ANKS1B: variants seen among roughly 807,000 people sequenced by gnomAD.
The protein encoded by ANKS1B is ankyrin repeat and sterile alpha motif domain-containing protein 1B.
In ANKS1B, 36 loss-of-function variants were observed where a neutral mutation model predicts 148.3. The observed-to-expected ratio is 0.24, with a 90% CI of 0.19 to 0.32. ANKS1B has a LOEUF of 0.32. Ranked by LOEUF, ANKS1B falls within the 10% of genes least tolerant of loss-of-function variation. The pLI is 1.00. For missense variants in ANKS1B, 1,157 were observed against 1,542.6 expected (o/e 0.75, Z 4.19); for synonymous variants, 542 against 560.8 (o/e 0.97, Z 0.47).
At chr12:99,854,158 C>T (rs533990932) in intron 1 of ANKS1B, among the ~76,000 whole-genome samples, 1 of 152,198 alleles carries the variant, frequency 6.6e-6, no homozygotes, top group South Asian at 2.1e-4. Context: ...ACTACAGGTG[C>T]CCACCACCGC....
chr12:99,081,307 C>T (rs1000973569), intron 16 of ANKS1B, among the ~76,000 whole-genome samples: 1 of 152,158 alleles, frequency 6.6e-6, no homozygotes, highest in Non-Finnish European at 1.5e-5. Context: ...AATTCCACAA[C>T]ACAATATGTT....
At chr12:98,825,794 T>C (rs1439914723) in intron 19 of ANKS1B, among the ~76,000 whole-genome samples, 1 of 152,234 alleles carries the variant, frequency 6.6e-6, no homozygotes, top group Non-Finnish European at 1.5e-5. Flanking sequence ...AATTAGGTCC[T>C]AAATACTGAA....
chr12:99,172,313 G>A (rs892378692), intron 14 of ANKS1B, among the ~76,000 whole-genome samples: 9 of 152,156 alleles, frequency 5.9e-5, no homozygotes, highest in African/African-American at 1.9e-4. Flanking sequence ...AGAACAGAGA[G>A]ATTTGATCAA....
At chr12:99,424,305 G>C (rs569506233) in intron 11 of ANKS1B, among the ~76,000 whole-genome samples, 8 of 152,220 alleles carry the variant, frequency 5.3e-5, no homozygotes, top group African/African-American at 1.7e-4. Flanking sequence ...GAAAGATTCA[G>C]AGCAATGTTC....
intron 8 of ANKS1B, among the ~76,000 whole-genome samples, chr12:99,686,524 G>A (rs1290655462): frequency 2.0e-5 from 3 of 152,038 alleles, no homozygotes; most frequent in Non-Finnish European, 4.4e-5. Context: ...ATTGGTCTTT[G>A]TTCAATTAAG....
intron 4 of ANKS1B, among the ~76,000 whole-genome samples, chr12:99,800,449 A>AG (rs1404815750): frequency 6.6e-6 from 1 of 151,812 alleles, no homozygotes; most frequent in African/African-American, 2.4e-5. Flanking sequence ...GCCAAAAAAA[A>AG]AAAAAAAAAA....
At chr12:99,376,998 C>T (rs1001860823) in intron 12 of ANKS1B, among the ~76,000 whole-genome samples, 2 of 151,676 alleles carry the variant, frequency 1.3e-5, no homozygotes, top group Admixed American at 6.6e-5. Flanking sequence ...CACACACACC[C>T]CACCCACACA....
intron 1 of ANKS1B, among the ~76,000 whole-genome samples, chr12:99,965,260 T>C (rs1047827448): frequency 6.6e-6 from 1 of 152,036 alleles, no homozygotes. Context: ...GCTCAAGGAA[T>C]GGCTCAAAAA....
intron 12 of ANKS1B, among the ~76,000 whole-genome samples, chr12:99,295,797 C>A (rs1476203203): frequency 2.0e-5 from 3 of 152,102 alleles, no homozygotes; most frequent in Non-Finnish European, 4.4e-5. Flanking sequence ...GTGTACTGTT[C>A]CCCTCTATGA....
chr12:99,546,249 C>T (rs989062286), intron 9 of ANKS1B, among the ~76,000 whole-genome samples: 1 of 152,042 alleles, frequency 6.6e-6, no homozygotes, highest in Admixed American at 6.6e-5. Flanking sequence ...TCAAATAAAA[C>T]AAAGTGAATT....
intron 11 of ANKS1B, among the ~76,000 whole-genome samples, chr12:99,419,897 T>A (rs2095032498): frequency 1.3e-5 from 2 of 152,204 alleles, no homozygotes; most frequent in Admixed American, 1.3e-4. Flanking sequence ...CTCAAATTCC[T>A]GGCCTCAAGT....
intron 19 of ANKS1B, among the ~76,000 whole-genome samples, chr12:98,824,483 T>A (rs1160299013): frequency 6.6e-6 from 1 of 152,244 alleles, no homozygotes; most frequent in African/African-American, 2.4e-5. Flanking sequence ...CCGATAGTCA[T>A]ATCTGTCTAT....
chr12:99,580,861 A>G lies in ANKS1B; in HGVS notation c.1272+74206T>C, dbSNP rs556951382. ...CCAATGTGCCACATGTACCCCACAA[A>G]TATGTACAATCATTATGTGCCAATT... On this transcript the variant is annotated intron_variant, in intron 9 of 26. Coordinates refer to ENST00000683438, the MANE Select transcript of ANKS1B (RefSeq NM_001352186.2). Among the ~76,000 whole-genome samples, 10 of 152,320 alleles carry G rather than the reference A, an allele frequency of 6.6e-5. No individual in the cohort carries two copies. The South Asian group carries it at 1.9e-3, about 28-fold the overall frequency.
intron 11 of ANKS1B, among the ~76,000 whole-genome samples, chr12:99,409,872 C>T (rs2094634641): frequency 6.6e-6 from 1 of 152,196 alleles, no homozygotes; most frequent in Non-Finnish European, 1.5e-5. Flanking sequence ...CACAAATTCA[C>T]TGAAATTACA....
chr12:98,799,616 T>G (rs2098983081), intron 21 of ANKS1B, among the ~76,000 whole-genome samples: 1 of 152,016 alleles, frequency 6.6e-6, no homozygotes, highest in South Asian at 2.1e-4. Flanking sequence ...CCTGGAGGGC[T>G]GAATGGAGCT....
chr12:99,984,124 C>T lies in ANKS1B; in HGVS notation c.114G>A (p.Leu38=). ...CTTACCTTAGCAGATTAGACAGGGGCAGGGGTCCGGATCCACCGCCCAGGA... is the reference window on the plus strand; with the variant it reads ...CTTACCTTAGCAGATTAGACAGGGGTAGGGGTCCGGATCCACCGCCCAGGA... ...GGILGGGSGP[L]PLSNLLSIWR... is the part of the protein sequence containing the mutation. Residue 38 remains leucine (L), a synonymous_variant, in exon 1 of 27, where the codon CTG becomes CTA. Coordinates refer to ENST00000683438, the MANE Select transcript of ANKS1B (RefSeq NM_001352186.2). 2.5e-6 allele frequency: 4 copies of T among 1,613,416 alleles called. No homozygotes were observed. Among genetic ancestry groups the T allele is most frequent in the Admixed American group, 1.7e-5 (1 of 59,990 alleles).
chr12:98,884,671 C>T (rs915791663), intron 17 of ANKS1B, among the ~76,000 whole-genome samples: 6 of 151,580 alleles, frequency 4.0e-5, no homozygotes, highest in East Asian at 1.9e-4. Context: ...CGGTGGCGGG[C>T]GCCTGTAGTC....
intron 8 of ANKS1B, among the ~76,000 whole-genome samples, chr12:99,690,698 T>C (rs2098674509): frequency 6.6e-6 from 1 of 152,236 alleles, no homozygotes; most frequent in South Asian, 2.1e-4. Context: ...CCTGTGGCTC[T>C]GCAGGGTACA....
intron 6 of ANKS1B, among the ~76,000 whole-genome samples, chr12:99,779,421 C>T (rs1721953640): frequency 6.6e-6 from 1 of 152,176 alleles, no homozygotes; most frequent in South Asian, 2.1e-4. Flanking sequence ...TCTCTCAGAG[C>T]CTCAGTTTCC....
Sources: allele counts gnomAD v4.1 joint callset (sites outside exome capture counted in the v4.1 genomes callset), GRCh38; gene constraint gnomAD v4.1.1; transcripts MANE v1.5; gene names NCBI Gene and HGNC (gene_info 2026-07-23, HGNC 2026-07-21).